NTAQ1: variants seen among roughly 807,000 people sequenced by gnomAD.
NTAQ1 encodes protein N-terminal glutamine amidohydrolase.
A neutral mutation model predicts 28.2 loss-of-function variants in NTAQ1; 21 were observed. That is an observed-to-expected ratio of 0.74 (90% CI 0.53 to 1.07). The LOEUF is 1.07. Ranked by LOEUF, NTAQ1 falls within the 50% of genes least tolerant of loss-of-function variation. The pLI is 0.00. For missense variants in NTAQ1, 264 were observed against 256.6 expected, an observed-to-expected ratio of 1.03 and a Z score of -0.20; for synonymous variants, 105 against 90.0, an observed-to-expected ratio of 1.17 and a Z score of -0.94.
At chr8:123,456,145 C>G (rs1199371497) in intron 6 of NTAQ1, among the ~76,000 whole-genome samples, 2 of 152,152 alleles carry the variant, frequency 1.3e-5, no homozygotes, top group African/African-American at 4.8e-5. Flanking sequence ...ATGCCAAACC[C>G]CAGTGGTCAT....
chr8:123,420,785 TTTTA>T (rs148579449), intron 1 of NTAQ1, among the ~76,000 whole-genome samples: 39 of 151,556 alleles, frequency 2.6e-4, no homozygotes, highest in African/African-American at 7.5e-4. Flanking sequence ...ATTTGTTTAT[TTTTA>T]TTTATTTATT....
At chr8:123,460,906 G>C (rs116388391) in intron 6 of NTAQ1, among the ~76,000 whole-genome samples, 5 of 152,290 alleles carry the variant, frequency 3.3e-5, no homozygotes, top group African/African-American at 9.6e-5. Context: ...TTGAGGAGGC[G>C]TGCCGTCTGA....
chr8:123,447,436 A>G (rs1338611293), intron 6 of NTAQ1, among the ~76,000 whole-genome samples: 1 of 152,214 alleles, frequency 6.6e-6, no homozygotes, highest in East Asian at 1.9e-4. Flanking sequence ...TAGAGAAACT[A>G]ACTAATAGAG....
intron 3 of NTAQ1, among the ~76,000 whole-genome samples, chr8:123,434,968 A>C (rs1427055106): frequency 6.6e-6 from 1 of 152,202 alleles, no homozygotes; most frequent in East Asian, 1.9e-4. Flanking sequence ...AGGCTTTTAA[A>C]GGCACAGCAT....
At chr8:123,448,908 C>G (rs935453535), downstream of NTAQ1, among the ~76,000 whole-genome samples, 2 of 152,164 alleles carry the variant, frequency 1.3e-5, no homozygotes, top group Non-Finnish European at 2.9e-5. Context: ...GAACAGGTCC[C>G]TGAGAGAAAA....
At chr8:123,466,278 GC>G (rs1249568056) in intron 6 of NTAQ1, among the ~76,000 whole-genome samples, 2 of 152,162 alleles carry the variant, frequency 1.3e-5, no homozygotes, top group African/African-American at 2.4e-5. Flanking sequence ...CCACTCAGAA[GC>G]CAATTAAAGT....
At chr8:123,418,129 G>A (rs1813421315) in intron 1 of NTAQ1, among the ~76,000 whole-genome samples, 1 of 152,126 alleles carries the variant, frequency 6.6e-6, no homozygotes, top group South Asian at 2.1e-4. Context: ...ATTCCCTCAT[G>A]GATCCCTTGG....
intron 6 of NTAQ1, among the ~76,000 whole-genome samples, chr8:123,459,164 T>A (rs545462251): frequency 6.6e-6 from 1 of 151,976 alleles, no homozygotes; most frequent in African/African-American, 2.4e-5. Context: ...AGGATCTGTT[T>A]GAGCCCAGGA....
downstream of NTAQ1, among the ~76,000 whole-genome samples, chr8:123,472,272 A>T (rs967058816): frequency 6.6e-6 from 1 of 152,164 alleles, no homozygotes; most frequent in African/African-American, 2.4e-5. Context: ...GAGTGGGTGA[A>T]ATGGCTCATG....
At chr8:123,423,370 C>G (rs114814115) in intron 1 of NTAQ1, among the ~76,000 whole-genome samples, 2,348 of 148,232 alleles carry the variant, frequency 0.016, 62 homozygotes, top group African/African-American at 0.055. Context: ...CTTCCTTTCC[C>G]TCCTTTTCCT....
chr8:123,431,016 C>T (rs1586940041), intron 3 of NTAQ1, among the ~76,000 whole-genome samples: 1 of 152,236 alleles, frequency 6.6e-6, no homozygotes, highest in South Asian at 2.1e-4. Context: ...TACACATCTA[C>T]ATGTCACCTT....
chr8:123,471,618 C>A (rs1816042842), downstream of NTAQ1, among the ~76,000 whole-genome samples: 1 of 152,086 alleles, frequency 6.6e-6, no homozygotes, highest in Non-Finnish European at 1.5e-5. Flanking sequence ...AGGCTTGAGA[C>A]CCAGGGAGAG....
intron 6 of NTAQ1, chr8:123,455,047 A>G (rs1815606932): frequency 6.6e-6 from 1 of 152,216 alleles, no homozygotes. Flanking sequence ...TTTGTTTTCA[A>G]TTAGCAATAA....
At chr8:123,441,197 CT>C (rs1815045919) in intron 5 of NTAQ1, 108 bp from the exon 6 acceptor site, 2 of 776,200 alleles carry the variant, frequency 2.6e-6, no homozygotes, top group Admixed American at 4.9e-5. Context: ...ACATTGAGCC[CT>C]TATCCATTTG....
chr8:123,420,083 T>A (rs1002207333), intron 1 of NTAQ1, among the ~76,000 whole-genome samples: 1 of 152,022 alleles, frequency 6.6e-6, no homozygotes, highest in African/African-American at 2.4e-5. Context: ...TACCCTCAAG[T>A]AGGCCCCATG....
rs534180004 is a variant in NTAQ1 at position 123,441,235 on chromosome 8, T to G, written c.509-71T>G. 2.5e-6 allele frequency: 3 copies of G among 1,192,234 alleles called. No individual in the cohort carries two copies. In the East Asian group the frequency reaches 7.7e-5, roughly 31 times the overall value. The allele number at this position is 1,192,234 out of a possible 1,614,324, so 73.9% of individuals were successfully genotyped here. On this transcript the variant is annotated intron_variant, in intron 5 of 5. Transcript: ENST00000287387. ...ATAATTTTACCTACTTTTGGTCTTCTGCATTGTTTTATTGCTGTTAAACCA... is the reference window on the plus strand; with the variant it reads ...ATAATTTTACCTACTTTTGGTCTTCGGCATTGTTTTATTGCTGTTAAACCA...
chr8:123,417,029 T>A, intron 1 of NTAQ1, 97 bp downstream of exon 1: 2 of 1,211,966 alleles, frequency 1.7e-6, no homozygotes, highest in Non-Finnish European at 2.2e-6. Flanking sequence ...TCGGGGGCGC[T>A]CCCGGCCTCT....
At chr8:123,469,647 T>C (rs989423987) in exon 7 of NTAQ1, among the ~76,000 whole-genome samples, 5 of 152,222 alleles carry the variant, frequency 3.3e-5, no homozygotes, top group African/African-American at 9.6e-5. Context: ...GAATAAAACT[T>C]TGAGACTTAG....
chr8:123,462,203 G>T (rs539527602), intron 6 of NTAQ1, among the ~76,000 whole-genome samples: 70 of 151,994 alleles, frequency 4.6e-4, no homozygotes, highest in African/African-American at 1.4e-3. Context: ...ATGCCACCAC[G>T]CCTGGCTAAT....
Sources: gnomAD v4.1 joint callset for allele counts (sites outside exome capture counted in the v4.1 genomes callset) on GRCh38, gnomAD v4.1.1 for gene constraint, MANE v1.5 for transcripts, NCBI Gene and HGNC (gene_info 2026-07-23, HGNC 2026-07-21) for gene names.